Variants in AGO2 observed in about 807,000 individuals in gnomAD.
The protein encoded by AGO2 is protein argonaute-2.
AGO2 carries 5 observed loss-of-function variants against 102.3 expected under a neutral mutation model. The observed-to-expected ratio is 0.05, with a 90% confidence interval of 0.03 to 0.10. AGO2 has a LOEUF of 0.10. AGO2 is among the 10% of genes least tolerant of loss of function. AGO2 has a pLI of 1.00. For missense variants in AGO2, 541 were observed against 1,183.7 expected (o/e 0.46, Z 7.97); for synonymous variants, 449 against 473.1 (o/e 0.95, Z 0.66).
chr8:140,545,246 G>A (rs533243900), intron 13 of AGO2, among the ~76,000 whole-genome samples: 5 of 152,252 alleles, frequency 3.3e-5, no homozygotes, highest in African/African-American at 1.2e-4. Flanking sequence ...GCCCCTTCTA[G>A]TCAGACTTCT....
chr8:140,634,719 G>A (rs2074381467), intron 1 of AGO2, among the ~76,000 whole-genome samples: 1 of 152,216 alleles, frequency 6.6e-6, no homozygotes. Context: ...ATTGTAAAAG[G>A]AATTAGCACT....
In AGO2 at chr8:140,583,666, G is replaced by C. The variant is rs28809029; in HGVS notation, c.215+1453C>G. Among the ~76,000 whole-genome samples, 838 of 152,324 alleles carry C rather than the reference G, an allele frequency of 5.5e-3. 10 individuals carry two copies. The highest frequency in any genetic ancestry group is 0.019 in the African/African-American group (791 of 41,578). On this transcript the variant is annotated intron_variant, in intron 2 of 18. Coordinates refer to ENST00000220592, the MANE Select transcript of AGO2 (RefSeq NM_012154.5). ...AAGCAGGCAGATCACTTGAGGTCAGGAGTTCAAGAGTAGCCTGGCCAATAT... is the reference window on the plus strand; with the variant it reads ...AAGCAGGCAGATCACTTGAGGTCAGCAGTTCAAGAGTAGCCTGGCCAATAT...
At position 140,552,736 on chromosome 8, in the gene AGO2, GCGCGCACA is replaced by G. The variant is rs1392225400; in HGVS notation, c.1270-1308_1270-1301del. Among the ~76,000 whole-genome samples, 1,178 of 132,936 alleles carry G rather than the reference GCGCGCACA, an allele frequency of 8.9e-3. 17 individuals are homozygous for G. The highest frequency in any genetic ancestry group is 9.3e-3 in the Non-Finnish European group (580 of 62,170). The allele number at this position is 132,936 out of a possible 152,430, so 87.2% of individuals were successfully genotyped here. A position where few individuals can be genotyped will look rare whatever the true frequency, so the allele number is the denominator to read the frequency against. On this transcript the variant is annotated intron_variant, in intron 10 of 18. Coordinates refer to ENST00000220592, the MANE Select transcript of AGO2 (RefSeq NM_012154.5). ...TGAACACACGCACATGCACGCGCGC[GCGCGCACA>G]CACACACACACACACACACACACAC...
At chr8:140,616,423 G>A (rs567617559) in intron 1 of AGO2, among the ~76,000 whole-genome samples, 10 of 152,204 alleles carry the variant, frequency 6.6e-5, no homozygotes, top group Non-Finnish European at 8.8e-5. Context: ...TTATGACAAC[G>A]ACAACAATTA....
chr8:140,585,508 T>A (rs1477723727), intron 1 of AGO2, among the ~76,000 whole-genome samples, 197 bp from the exon 2 acceptor site: 1 of 152,216 alleles, frequency 6.6e-6, no homozygotes, highest in South Asian at 2.1e-4. Context: ...AACTCATTGG[T>A]GATCAAACTT....
At position 140,559,344 on chromosome 8, in the gene AGO2, C is replaced by A. The variant is rs533351941; in HGVS notation, c.790+51G>T. On this transcript the variant is annotated intron_variant, in intron 6 of 18. Coordinates refer to ENST00000220592, the MANE Select transcript of AGO2 (RefSeq NM_012154.5). ...GCAAAATGCGGTCCCGGAGGCGGAC[C>A]GGGAAGGGGCCTCCCAGCCCTCAGC... is the stretch of plus-strand genomic sequence containing the variant. 96 of 1,598,714 alleles carry A rather than the reference C, an allele frequency of 6.0e-5. 1 individual carries two copies. Among genetic ancestry groups the A allele is most frequent in the Non-Finnish European group, 4.5e-5 (53 of 1,171,568 alleles).
At position 140,539,224 on chromosome 8, in the gene AGO2, C is replaced by T. The variant is rs967895793; in HGVS notation, c.2169+96G>A. ...AGAGTCACCCTAGAGCCTGGGACAG[C>T]GGCACTGTGGCCAGCAGGTTCTCTT... On this transcript the variant is annotated intron_variant, in intron 16 of 18. Transcript: ENST00000220592. The surrounding 1 kb of genome is among the most constrained non-coding windows in gnomAD (Gnocchi z 4.7). 2.7e-5 allele frequency: 40 copies of T among 1,483,574 alleles called. No homozygotes were observed. The highest frequency in any genetic ancestry group is 2.0e-4 in the Middle Eastern group (1 of 4,932). The allele number at this position is 1,483,574 out of a possible 1,614,324, so 91.9% of individuals were successfully genotyped here.
chr8:140,551,929 G>A (rs2073006547), intron 10 of AGO2, among the ~76,000 whole-genome samples: 1 of 152,160 alleles, frequency 6.6e-6, no homozygotes, highest in South Asian at 2.1e-4. Flanking sequence ...ATGGAGAGAT[G>A]GAGAGATGGA....
At chr8:140,564,053 A>C (rs1361819190) in intron 3 of AGO2, among the ~76,000 whole-genome samples, 1 of 152,196 alleles carries the variant, frequency 6.6e-6, no homozygotes, top group Non-Finnish European at 1.5e-5. Context: ...CGATGGCCCC[A>C]AACTGGCCGC....
chr8:140,585,363 G>A (rs1236978214), intron 1 of AGO2, 52 bp from the exon 2 acceptor site: 2 of 1,578,312 alleles, frequency 1.3e-6, no homozygotes, highest in Admixed American at 1.7e-5. Flanking sequence ...TTGCTCTGCG[G>A]CCCTTCCCAT....
At chr8:140,616,479 A>G (rs1050114673) in intron 1 of AGO2, among the ~76,000 whole-genome samples, 10 of 147,492 alleles carry the variant, frequency 6.8e-5, no homozygotes, top group African/African-American at 2.5e-4. Context: ...ACTTATTGAT[A>G]ATAATTGCAA....
chr8:140,578,815 G>A (rs867774436), intron 2 of AGO2, among the ~76,000 whole-genome samples: 1 of 152,256 alleles, frequency 6.6e-6, no homozygotes, highest in Non-Finnish European at 1.5e-5. Flanking sequence ...GCAGCACCCC[G>A]CACGGGGCCG....
Position 140,539,185 on chromosome 8 carries a change from G to GC in AGO2, c.2169+134dup, listed in dbSNP as rs2072749433. ...GTGTCTAAACCTGGGTCCCCATGAA[G>GC]CCCCTTAGAGGACAGAGTCACCCTA... On this transcript the variant is annotated intron_variant, in intron 16 of 18. Coordinates refer to ENST00000220592, the MANE Select transcript of AGO2 (RefSeq NM_012154.5). This position sits in a 1 kb window ranked among gnomAD's most constrained non-coding sequence, Gnocchi z 4.7. 7.9e-7 allele frequency: 1 copy of GC among 1,270,624 alleles called. No homozygotes were observed. The highest frequency in any genetic ancestry group is 1.6e-5 in the South Asian group (1 of 62,020). The allele number at this position is 1,270,624 out of a possible 1,614,324, so 78.7% of individuals were successfully genotyped here.
chr8:140,615,206 G>A (rs1027620989), intron 1 of AGO2, among the ~76,000 whole-genome samples: 4 of 152,200 alleles, frequency 2.6e-5, no homozygotes, highest in Non-Finnish European at 4.4e-5. Flanking sequence ...AGCCGAGATC[G>A]TGCCACTCCA....
rs534306197 is a variant in AGO2 at position 140,621,615 on chromosome 8, G to A, written c.22+13870C>T. On this transcript the variant is annotated intron_variant, in intron 1 of 18. Transcript: ENST00000220592. ...TGTTCACCTTTATTACGTTCATTTA[G>A]TCATCCAGGTTCCAAGTATGCTGTA... Among the ~76,000 whole-genome samples the A allele has an allele frequency of 4.1e-3, 623 of 152,270 alleles. 6 individuals carry two copies. Among genetic ancestry groups the A allele is most frequent in the African/African-American group, 0.014 (580 of 41,558 alleles).
Position 140,531,990 on chromosome 8 carries a change from G to T in AGO2, c.*54C>A. 1.3e-6 allele frequency: 2 copies of T among 1,500,432 alleles called. No individual in the cohort carries two copies. The highest frequency in any genetic ancestry group is 1.9e-6 in the Non-Finnish European group (2 of 1,078,458). The allele number at this position is 1,500,432 out of a possible 1,614,324, so 92.9% of individuals were successfully genotyped here. A position where few individuals can be genotyped will look rare whatever the true frequency, so the allele number is the denominator to read the frequency against. ...GGGCTGGCCATCTGTTGGTCTGAGT[G>T]TAGCTGGTCTCGTGAATCCCACTCG... On this transcript the variant is annotated 3_prime_UTR_variant, in exon 19 of 19. Transcript: ENST00000220592.
chr8:140,586,818 G>A (rs1162701908), intron 1 of AGO2, among the ~76,000 whole-genome samples: 12 of 152,266 alleles, frequency 7.9e-5, no homozygotes, highest in South Asian at 2.1e-4. Flanking sequence ...CCCAGGAAAC[G>A]TCTAGGACAG....
rs1422031376 is a variant in AGO2, at chr8:140,528,675, G to C, written c.*3369C>G. 6.6e-6 allele frequency: 1 copy of C among 152,164 alleles called. No individual in the cohort carries two copies. The highest frequency in any genetic ancestry group is 1.5e-5 in the Non-Finnish European group (1 of 68,032). The allele number at this position is 152,164 out of a possible 1,614,324, so 9.4% of individuals were successfully genotyped here. A position where few individuals can be genotyped will look rare whatever the true frequency, so the allele number is the denominator to read the frequency against. ...GACCCTGATGTGCAATCAAAAGGCT[G>C]CATGTAAAGACTGCTTGAACCAGAG... On this transcript the variant is annotated 3_prime_UTR_variant, in exon 19 of 19. Transcript: ENST00000220592. The surrounding 1 kb of genome is among the most constrained non-coding windows in gnomAD (Gnocchi z 4.5).
At chr8:140,590,223 AC>A (rs1425804756) in intron 1 of AGO2, among the ~76,000 whole-genome samples, 1 of 151,486 alleles carries the variant, frequency 6.6e-6, no homozygotes, top group African/African-American at 2.4e-5. Context: ...GATGCGTTCT[AC>A]CCCCTCCCCC....
Sources: allele counts gnomAD v4.1 joint callset (sites outside exome capture counted in the v4.1 genomes callset), GRCh38; gene constraint gnomAD v4.1.1; non-coding constraint Gnocchi (gnomAD v3.1); transcripts MANE v1.5; gene names NCBI Gene and HGNC (gene_info 2026-07-23, HGNC 2026-07-21).